The following TTLL6 variants were observed in gnomAD, a reference collection of about 807,000 sequenced individuals.
The protein encoded by TTLL6 is tubulin polyglutamylase TTLL6.
Under a neutral mutation model 96.4 loss-of-function variants are expected in TTLL6, and 75 were observed. That is an observed-to-expected ratio of 0.78 (90% CI 0.65 to 0.94). The LOEUF is 0.94. Ranked by LOEUF, TTLL6 falls within the 40% of genes least tolerant of loss-of-function variation. TTLL6 has a pLI of 0.00. For missense variants in TTLL6, 1,030 were observed against 1,093.0 expected (o/e 0.94, Z 0.81); for synonymous variants, 411 against 419.4 (o/e 0.98, Z 0.24).
rs767613684 is a variant in TTLL6, at chr17:48,769,257, G to A, written c.2411-3C>T. 3.0e-5 allele frequency: 48 copies of A among 1,593,048 alleles called. No individual in the cohort carries two copies. Among genetic ancestry groups the A allele is most frequent in the Admixed American group, 6.9e-5 (4 of 58,158 alleles). On this transcript the variant is annotated splice_region_variant and splice_polypyrimidine_tract_variant and intron_variant, in intron 14 of 15. Coordinates refer to ENST00000393382, the MANE Select transcript of TTLL6 (RefSeq NM_001130918.3). ...CTCCCCAGGCAGGGAGGGGTTTTCT[G>A]GAAAGGCAAAGTCAGAAGCATCAGC...
chr17:48,795,329 G>GAAAAAAAAAAAA (rs796848295), intron 8 of TTLL6, among the ~76,000 whole-genome samples: 1 of 73,416 alleles, frequency 1.4e-5, no homozygotes, highest in Non-Finnish European at 3.0e-5. Flanking sequence ...AGTCTCAAAA[G>GAAAAAAAAAAAA]AAAAAAAAAA....
At chr17:48,775,146 C>T (rs1449001528) in intron 13 of TTLL6, among the ~76,000 whole-genome samples, 1 of 149,960 alleles carries the variant, frequency 6.7e-6, no homozygotes, top group Non-Finnish European at 1.5e-5. Flanking sequence ...AAAGAAAGAA[C>T]AACAAATCTA....
rs904965628 is a variant in TTLL6, at chr17:48,796,106, T to G, written c.953A>C (p.Lys318Thr). The change falls in exon 8 of 16, where the codon AAG (lysine) becomes ACG (threonine). Residue 318 changes from lysine (K) to threonine (T), a missense_variant. Transcript: ENST00000393382. ...CMHLTNYSINKHSSNFSRDAH... is the reference protein window; with the variant it reads ...CMHLTNYSINTHSSNFSRDAH... ...ATCTCGACTGAAATTTGAACTGTGCTTATTAATGGAATAATTAGTCAGGTG... is the reference window on the plus strand; with the variant it reads ...ATCTCGACTGAAATTTGAACTGTGCGTATTAATGGAATAATTAGTCAGGTG... 1.4e-5 allele frequency: 22 copies of G among 1,551,484 alleles called. No individual in the cohort carries two copies. In the Admixed American group the frequency reaches 4.3e-4, roughly 30 times the overall value.
At chr17:48,804,730 A>C (rs2143462054) in intron 2 of TTLL6, 42 bp downstream of exon 2, 1 of 1,522,686 alleles carries the variant, frequency 6.6e-7, no homozygotes, top group Non-Finnish European at 8.9e-7. Flanking sequence ...CCTTCCTGTT[A>C]TTACCAACAT....
In TTLL6 at chr17:48,785,206, G is replaced by A. The variant is rs775622437; in HGVS notation, c.1762-5C>T. On this transcript the variant is annotated splice_polypyrimidine_tract_variant and splice_region_variant and intron_variant, in intron 12 of 15. Transcript: ENST00000393382. ...TAATGTCAATGGCTGGATGTACTGA[G>A]GGAGGAAGAAACCACAACACACAGC... 2 of 1,614,066 alleles carry A rather than the reference G, an allele frequency of 1.2e-6. No individual in the cohort carries two copies. Among genetic ancestry groups the A allele is most frequent in the African/African-American group, 1.3e-5 (1 of 75,026 alleles).
chr17:48,813,605 A>C (rs180943415), intron 1 of TTLL6, among the ~76,000 whole-genome samples: 35 of 152,274 alleles, frequency 2.3e-4, no homozygotes, highest in Non-Finnish European at 4.6e-4. Context: ...AGTTGGTCCC[A>C]CATCATTTTC....
intron 13 of TTLL6, among the ~76,000 whole-genome samples, chr17:48,770,755 G>A (rs1426088211): frequency 1.3e-5 from 2 of 151,302 alleles, no homozygotes; most frequent in Admixed American, 1.3e-4. Flanking sequence ...TCAAGTGATC[G>A]GCCCACCTCA....
intron 1 of TTLL6, chr17:48,815,787 G>A (rs926397621): frequency 3.3e-5 from 5 of 152,244 alleles, no homozygotes; most frequent in African/African-American, 1.2e-4. Context: ...GTCACCTGTA[G>A]TGGGAACAAT....
chr17:48,799,655 C>T lies in TTLL6; in HGVS notation c.717G>A (p.Val239=), dbSNP rs201225285. Residue 239 remains valine, a synonymous_variant, in exon 6 of 16, where the codon GTG becomes GTA. Coordinates refer to ENST00000393382, the MANE Select transcript of TTLL6 (RefSeq NM_001130918.3). ...QGKGIFITRT[V]KEIKPGEDMI... is the part of the protein sequence containing the mutation. ...TATCCTCCCCTGGTTTGATTTCTTT[C>T]ACTGTCCGGGTGATGAATATACCTT... 408 of 1,551,838 alleles carry T rather than the reference C, an allele frequency of 2.6e-4. No homozygotes were observed. The highest frequency in any genetic ancestry group is 6.6e-4 in the Middle Eastern group (4 of 6,018).
Position 48,798,931 on chromosome 17 carries a change from G to A in TTLL6, c.768+673C>T, listed in dbSNP as rs534009759. On this transcript the variant is annotated intron_variant, in intron 6 of 15. Coordinates refer to ENST00000393382, the MANE Select transcript of TTLL6 (RefSeq NM_001130918.3). ...TGCAACCTCCACTTCCCGGGCTCAA[G>A]CAATTCTCCAGCCTCAGCCTCTAGA... Among the ~76,000 whole-genome samples the A allele has an allele frequency of 2.7e-5, 4 of 149,398 alleles. No individual in the cohort carries two copies. In the South Asian group the frequency reaches 6.5e-4, roughly 24 times the overall value.
chr17:48,762,453 C>T lies in TTLL6; in HGVS notation c.*521G>A, dbSNP rs1351479295. On this transcript the variant is annotated 3_prime_UTR_variant, in exon 16 of 16. Transcript: ENST00000393382. ...CTGGTGGGGATGGGCGGAGGTCGGG[C>T]CTTGACCTTGTGAAGTTGCAGCTGC... 6.5e-6 allele frequency: 1 copy of T among 153,278 alleles called. No homozygotes were observed. The highest frequency in any genetic ancestry group is 1.5e-5 in the Non-Finnish European group (1 of 68,964). 9.5% of individuals were successfully genotyped at this position (153,278 alleles called of 1,614,324 possible).
intron 6 of TTLL6, among the ~76,000 whole-genome samples, chr17:48,798,867 T>C (rs1359103207): frequency 6.7e-6 from 1 of 149,584 alleles, no homozygotes; most frequent in Non-Finnish European, 1.5e-5. Context: ...TCTCACCCTG[T>C]TGCCCAGGCT....
intron 15 of TTLL6, among the ~76,000 whole-genome samples, chr17:48,764,584 C>T (rs2038556503): frequency 6.6e-6 from 1 of 152,150 alleles, no homozygotes; most frequent in African/African-American, 2.4e-5. Context: ...ACCCCTGATC[C>T]TCCATTGAGG....
rs753627167 is a variant in TTLL6, at chr17:48,801,337, G to C, written c.529C>G (p.Leu177Val). The C allele has an allele frequency of 6.4e-7, 1 of 1,551,574 alleles. No individual in the cohort carries two copies. Among genetic ancestry groups the C allele is most frequent in the Non-Finnish European group, 8.7e-7 (1 of 1,146,992 alleles). Residue 177 changes from leucine (L) to valine (V), a missense_variant, in exon 5 of 16, where the codon CTG (leucine) becomes GTG (valine). Leu to Val is a conservative substitution (Grantham distance 32). Coordinates refer to ENST00000393382, the MANE Select transcript of TTLL6 (RefSeq NM_001130918.3). ...AACATGCGGCTCATGTTCCTGGCCA[G>C]CAAGTCCTTCCGGCAGATTTCACTC... ...GMSEICRKDL[L>V]ARNMSRMLKM...
rs551846539 is a variant in TTLL6, at chr17:48,802,895, C to T, written c.361+996G>A. Among the ~76,000 whole-genome samples the T allele has an allele frequency of 9.2e-5, 14 of 151,432 alleles. No individual in the cohort carries two copies. The South Asian group carries it at 1.7e-3, about 18-fold the overall frequency. Reference sequence around the variant, plus strand: ...CAAAAAAAATAAATAAATGGCCAGGCGCAGTGGCTCATGCCTGTAATCCCA... The same window carrying T: ...CAAAAAAAATAAATAAATGGCCAGGTGCAGTGGCTCATGCCTGTAATCCCA... On this transcript the variant is annotated intron_variant, in intron 3 of 15. Coordinates refer to ENST00000393382, the MANE Select transcript of TTLL6 (RefSeq NM_001130918.3).
chr17:48,807,976 T>C (rs1044731871), intron 1 of TTLL6, among the ~76,000 whole-genome samples: 22 of 152,288 alleles, frequency 1.4e-4, no homozygotes, highest in African/African-American at 3.6e-4. Context: ...GTAGCTGGGA[T>C]TACAGGCGCC....
intron 5 of TTLL6, 38 bp downstream of exon 5, chr17:48,801,215 AGG>A (rs145663465): frequency 0.03 from 45,113 of 1,527,416 alleles, 790 homozygotes; most frequent in African/African-American, 0.059. Flanking sequence ...GTAAATGGGG[AGG>A]GGAGTGGAGA....
At position 48,803,874 on chromosome 17, in the gene TTLL6, T is replaced by C. The variant is rs1004824309; in HGVS notation, c.361+17A>G. 6.4e-7 allele frequency: 1 copy of C among 1,551,876 alleles called. No individual in the cohort carries two copies. The highest frequency in any genetic ancestry group is 8.7e-7 in the Non-Finnish European group (1 of 1,146,944). On this transcript the variant is annotated intron_variant, in intron 3 of 15. Transcript: ENST00000393382. ...CAGTGGGTCCCCATTATAGATCTCC[T>C]GAATGTAGATGCTCACCACTCTCAT...
At chr17:48,803,492 A>AC (rs2039459023) in intron 3 of TTLL6, among the ~76,000 whole-genome samples, 2 of 151,658 alleles carry the variant, frequency 1.3e-5, no homozygotes, top group African/African-American at 4.9e-5. Flanking sequence ...TCAAAAAAAA[A>AC]AACAAAAAAA....
Sources: gnomAD v4.1 joint callset for allele counts (sites outside exome capture counted in the v4.1 genomes callset) on GRCh38, gnomAD v4.1.1 for gene constraint, MANE v1.5 for transcripts, NCBI Gene and HGNC (gene_info 2026-07-23, HGNC 2026-07-21) for gene names.